CISD1: variants seen among roughly 807,000 people sequenced by gnomAD.
CISD1 encodes CDGSH iron sulfur domain 1, also known as CDGSH iron-sulfur domain-containing protein 1.
Under a neutral mutation model 12.0 loss-of-function variants are expected in CISD1, and 8 were observed. The observed-to-expected ratio is 0.67, with a 90% CI of 0.39 to 1.20. CISD1 has a LOEUF of 1.20. Ranked by LOEUF, CISD1 falls within the 50% of genes most tolerant of loss-of-function variation. The pLI, the probability that CISD1 is intolerant of heterozygous loss-of-function variation, is 0.01. For missense variants in CISD1, 107 were observed against 132.7 expected (o/e 0.81, Z 0.95); for synonymous variants, 38 against 42.2 (o/e 0.90, Z 0.39).
At position 58,287,717 on chromosome 10, in the gene CISD1, A is replaced by G. The variant is rs1588983844; in HGVS notation, c.*67A>G. 14 of 1,004,222 alleles carry G rather than the reference A, an allele frequency of 1.4e-5. No individual in the cohort carries two copies. Among genetic ancestry groups the G allele is most frequent in the East Asian group, 5.3e-5 (2 of 38,000 alleles). The allele number at this position is 1,004,222 out of a possible 1,614,324, so 62.2% of individuals were successfully genotyped here. On this transcript the variant is annotated 3_prime_UTR_variant, in exon 3 of 3. Coordinates refer to ENST00000333926, the MANE Select transcript of CISD1 (RefSeq NM_018464.5). ...ACCTGATTGTTTAATTAGAATGACTACCACCTCTGTCTGATTCACCTTCGC... is the reference window on the plus strand; with the variant it reads ...ACCTGATTGTTTAATTAGAATGACTGCCACCTCTGTCTGATTCACCTTCGC...
intron 1 of CISD1, among the ~76,000 whole-genome samples, chr10:58,273,748 G>C (rs1216524296): frequency 6.6e-6 from 1 of 152,224 alleles, no homozygotes; most frequent in Non-Finnish European, 1.5e-5. Context: ...AATGGTATTT[G>C]TGTAGATATA....
chr10:58,277,175 T>C lies in CISD1; in HGVS notation c.90T>C (p.Ala30=). The part of the protein sequence containing the change: ...AAGTAAIGYL[A]YKRFYVKDHR... ...GGACAGCTGCAATTGGTTATCTAGC[T>C]TACAAAAGATTTTATGTTAAAGATC... The change falls in exon 2 of 3, where the codon GCT becomes GCC. Residue 30 remains alanine (A), a synonymous_variant. Coordinates refer to ENST00000333926, the MANE Select transcript of CISD1 (RefSeq NM_018464.5). The C allele has an allele frequency of 6.2e-7, 1 of 1,612,572 alleles. No homozygotes were observed.
intron 1 of CISD1, among the ~76,000 whole-genome samples, chr10:58,271,184 C>A (rs112632021): frequency 0.066 from 9,844 of 149,758 alleles, 396 homozygotes; most frequent in Non-Finnish European, 0.089. Flanking sequence ...GGACTACAGG[C>A]GCCCGCCACT....
Position 58,287,699 on chromosome 10 carries a change from T to A in CISD1, c.*49T>A. ...TCAGCTTGTCGTGAAGTTACCTGATTGTTTAATTAGAATGACTACCACCTC... is the reference window on the plus strand; with the variant it reads ...TCAGCTTGTCGTGAAGTTACCTGATAGTTTAATTAGAATGACTACCACCTC... On this transcript the variant is annotated 3_prime_UTR_variant, in exon 3 of 3. Transcript: ENST00000333926. 1 of 1,263,796 alleles carries A rather than the reference T, an allele frequency of 7.9e-7. No homozygotes were observed. Among genetic ancestry groups the A allele is most frequent in the East Asian group, 2.5e-5 (1 of 40,126 alleles). 78.3% of individuals were successfully genotyped at this position (1,263,796 alleles called of 1,614,324 possible).
At chr10:58,272,965 A>G (rs142702192) in intron 1 of CISD1, among the ~76,000 whole-genome samples, 6 of 152,226 alleles carry the variant, frequency 3.9e-5, no homozygotes, top group African/African-American at 1.4e-4. Flanking sequence ...AGACTGGCCA[A>G]ATTGATGGTG....
intron 1 of CISD1, 101 bp downstream of exon 1, chr10:58,269,405 G>A (rs1325811599): frequency 2.7e-6 from 3 of 1,091,652 alleles, no homozygotes; most frequent in Non-Finnish European, 4.0e-6. Context: ...GCGCCCGCCG[G>A]TCCTATAACC....
At chr10:58,277,455 T>G (rs1309658228) in intron 2 of CISD1, 133 bp downstream of exon 2, 1 of 653,914 alleles carries the variant, frequency 1.5e-6, no homozygotes, top group Non-Finnish European at 2.5e-6. Flanking sequence ...AGTCTTGCTC[T>G]GTCATCCAGG....
chr10:58,275,517 A>G lies in CISD1; in HGVS notation c.32-1600A>G, dbSNP rs78412840. On this transcript the variant is annotated intron_variant, in intron 1 of 2. Coordinates refer to ENST00000333926, the MANE Select transcript of CISD1 (RefSeq NM_018464.5). ...GCCAAAGGTTTGAAGCTGTCAGGTGATATATTAACTTAACTTGTCTTCTCA... is the reference window on the plus strand; with the variant it reads ...GCCAAAGGTTTGAAGCTGTCAGGTGGTATATTAACTTAACTTGTCTTCTCA... Among the ~76,000 whole-genome samples the G allele has an allele frequency of 6.0e-3, 919 of 152,336 alleles. 9 individuals are homozygous for G. Among genetic ancestry groups the G allele is most frequent in the African/African-American group, 0.021 (872 of 41,582 alleles).
At chr10:58,282,737 A>G (rs1268921516) in intron 2 of CISD1, among the ~76,000 whole-genome samples, 1 of 152,228 alleles carries the variant, frequency 6.6e-6, no homozygotes, top group Non-Finnish European at 1.5e-5. Context: ...CGGTATCTTG[A>G]CAAAGGGTGG....
At chr10:58,277,378 A>T (rs1839327257) in intron 2 of CISD1, 56 bp downstream of exon 2, 1 of 1,208,800 alleles carries the variant, frequency 8.3e-7, no homozygotes, top group East Asian at 2.6e-5. Flanking sequence ...TTTCTTTTTA[A>T]ATTATTCTGT....
At chr10:58,272,893 T>C (rs1205853158) in intron 1 of CISD1, among the ~76,000 whole-genome samples, 1 of 152,110 alleles carries the variant, frequency 6.6e-6, no homozygotes, top group Non-Finnish European at 1.5e-5. Context: ...CACTCCAGCC[T>C]GGGCAACAGT....
chr10:58,282,244 C>A (rs1220650353), intron 2 of CISD1, among the ~76,000 whole-genome samples: 1 of 152,140 alleles, frequency 6.6e-6, no homozygotes, highest in African/African-American at 2.4e-5. Flanking sequence ...TTGCAGGTGT[C>A]ATCCACTGTG....
At chr10:58,272,680 A>C (rs1245876479) in intron 1 of CISD1, among the ~76,000 whole-genome samples, 1 of 152,200 alleles carries the variant, frequency 6.6e-6, no homozygotes, top group African/African-American at 2.4e-5. Context: ...GCACTTTGGG[A>C]GGCCAAGGCG....
chr10:58,275,236 A>G (rs1026217913), intron 1 of CISD1, among the ~76,000 whole-genome samples: 1 of 152,224 alleles, frequency 6.6e-6, no homozygotes, highest in Admixed American at 6.5e-5. Flanking sequence ...ATTTTGTGAT[A>G]GGTACATTAG....
intron 2 of CISD1, among the ~76,000 whole-genome samples, chr10:58,282,498 T>C (rs759434124): frequency 3.3e-4 from 50 of 152,332 alleles, no homozygotes; most frequent in Middle Eastern, 3.4e-3. Flanking sequence ...CTGTATTGTT[T>C]AGAGAATAAT....
Position 58,288,311 on chromosome 10 carries a change from T to G in CISD1, c.*661T>G, listed in dbSNP as rs894203769. 6.6e-6 allele frequency: 1 copy of G among 152,316 alleles called. No homozygotes were observed. Among genetic ancestry groups the G allele is most frequent in the African/African-American group, 2.4e-5 (1 of 41,462 alleles). 9.4% of individuals were successfully genotyped at this position (152,316 alleles called of 1,614,324 possible). A position where few individuals can be genotyped will look rare whatever the true frequency, so the allele number is the denominator to read the frequency against. On this transcript the variant is annotated 3_prime_UTR_variant, in exon 3 of 3. Coordinates refer to ENST00000333926, the MANE Select transcript of CISD1 (RefSeq NM_018464.5). ...AAGATGGATCCATTAAAGGAGCCAA[T>G]AGTGAAAATTTAGTTAAAGGTGATA...
chr10:58,287,048 G>A (rs948868067), intron 2 of CISD1, among the ~76,000 whole-genome samples: 4 of 152,252 alleles, frequency 2.6e-5, no homozygotes, highest in Middle Eastern at 3.4e-3. Flanking sequence ...AGCCTCCTGA[G>A]TAGCTGGGAT....
intron 1 of CISD1, among the ~76,000 whole-genome samples, chr10:58,271,125 C>T (rs1490100101): frequency 4.0e-5 from 6 of 148,666 alleles, no homozygotes; most frequent in African/African-American, 7.6e-5. Flanking sequence ...CTGCAAGCTC[C>T]GCCTCCCGGG....
At position 58,277,273 on chromosome 10, in the gene CISD1, A is replaced by G; in HGVS notation, c.188A>G (p.Glu63Gly). Residue 63 changes from glutamate to glycine, a missense_variant, in exon 2 of 3, where the codon GAG becomes GGG. Coordinates refer to ENST00000333926, the MANE Select transcript of CISD1 (RefSeq NM_018464.5). ...NPKIVHAFDM[E>G]DLGDKAVYCR... ...AAGATAGTACATGCTTTTGACATGG[A>G]GGATTTGGGAGATAAAGCTGTGTAC... 6.2e-7 allele frequency: 1 copy of G among 1,610,670 alleles called. No homozygotes were observed. The highest frequency in any genetic ancestry group is 8.5e-7 in the Non-Finnish European group (1 of 1,178,540).
Sources: allele counts gnomAD v4.1 joint callset (sites outside exome capture counted in the v4.1 genomes callset), GRCh38; gene constraint gnomAD v4.1.1; transcripts MANE v1.5; gene names NCBI Gene and HGNC (gene_info 2026-07-23, HGNC 2026-07-21).